The following MCU variants were observed in gnomAD, a reference collection of about 807,000 sequenced individuals.
MCU encodes the protein calcium uniporter protein, mitochondrial.
MCU carries 12 observed loss-of-function variants against 45.2 expected under a neutral mutation model. The ratio of observed to expected loss-of-function variants is 0.27; its 90% CI spans 0.17 to 0.43. The LOEUF is 0.43. MCU is among the 20% of genes least tolerant of loss of function. MCU has a pLI of 1.00. For missense variants in MCU, 324 were observed against 436.7 expected (o/e 0.74, Z 2.30); for synonymous variants, 160 against 165.1 (o/e 0.97, Z 0.24).
intron 1 of MCU, among the ~76,000 whole-genome samples, chr10:72,777,822 G>A (rs963084908): frequency 6.6e-6 from 1 of 152,114 alleles, no homozygotes; most frequent in South Asian, 2.1e-4. Flanking sequence ...ATATATAAGA[G>A]CTCAAACAAC....
chr10:72,828,097 C>T (rs1452754135), intron 1 of MCU, among the ~76,000 whole-genome samples: 1 of 152,166 alleles, frequency 6.6e-6, no homozygotes, highest in Non-Finnish European at 1.5e-5. Flanking sequence ...CGTATAAGCA[C>T]TGAATTTTGG....
intron 7 of MCU, 86 bp from the exon 8 acceptor site, chr10:72,885,659 T>C: frequency 1.2e-6 from 1 of 839,312 alleles, no homozygotes; most frequent in Non-Finnish European, 2.0e-6. Context: ...CTTATAGTAA[T>C]GGAGAACAGT....
At chr10:72,787,628 CT>C (rs1272122742) in intron 1 of MCU, among the ~76,000 whole-genome samples, 9 of 152,096 alleles carry the variant, frequency 5.9e-5, no homozygotes, top group African/African-American at 2.2e-4. Context: ...CAATATATGT[CT>C]ATTTTTATTA....
intron 1 of MCU, among the ~76,000 whole-genome samples, chr10:72,702,503 A>G (rs1282301952): frequency 6.6e-6 from 1 of 152,218 alleles, no homozygotes; most frequent in Non-Finnish European, 1.5e-5. Context: ...TGCCCAGGGC[A>G]TTGGAGAGAG....
In MCU at chr10:72,739,575, C is replaced by T. The variant is rs139185428; in HGVS notation, c.150+47274C>T. Among the ~76,000 whole-genome samples the T allele has an allele frequency of 3.0e-3, 456 of 152,216 alleles. 4 individuals carry two copies. The highest frequency in any genetic ancestry group is 0.01 in the African/African-American group (428 of 41,536). On this transcript the variant is annotated intron_variant, in intron 1 of 7. Transcript: ENST00000373053. ...CATTTTTCGTTTTAAAGAAAGCCAA[C>T]TTCTTATGTTCCCAAAGTCTGACTT... is the stretch of plus-strand genomic sequence containing the variant.
chr10:72,826,150 G>C (rs1030872350), intron 1 of MCU, among the ~76,000 whole-genome samples: 2 of 152,068 alleles, frequency 1.3e-5, no homozygotes, highest in Non-Finnish European at 2.9e-5. Context: ...TGCAGATTCT[G>C]ATTCAGTAAG....
chr10:72,803,170 A>G (rs1844368434), intron 1 of MCU, among the ~76,000 whole-genome samples: 1 of 151,874 alleles, frequency 6.6e-6, no homozygotes, highest in African/African-American at 2.4e-5. Context: ...TGTGGAGGAG[A>G]ATATAGCTCA....
intron 1 of MCU, among the ~76,000 whole-genome samples, chr10:72,804,049 T>G (rs1589469189): frequency 1.3e-5 from 1 of 76,618 alleles, no homozygotes; most frequent in Non-Finnish European, 2.4e-5. Flanking sequence ...TATATATATA[T>G]ATATATATAT....
chr10:72,765,765 T>G (rs1368985457), intron 1 of MCU, among the ~76,000 whole-genome samples: 2 of 94,276 alleles, frequency 2.1e-5, no homozygotes, highest in South Asian at 3.0e-4. Flanking sequence ...CTAGCCTGGG[T>G]AACAAAGCCA....
At chr10:72,824,049 C>T (rs1028780994) in intron 1 of MCU, among the ~76,000 whole-genome samples, 5 of 152,168 alleles carry the variant, frequency 3.3e-5, no homozygotes, top group East Asian at 1.9e-4. Flanking sequence ...AGACCCTGTC[C>T]TCCCTTAGTC....
chr10:72,774,427 C>T (rs1421030661), intron 1 of MCU, among the ~76,000 whole-genome samples: 1 of 151,954 alleles, frequency 6.6e-6, no homozygotes, highest in Admixed American at 6.6e-5. Context: ...ACTAAAAACA[C>T]AACAAATTAA....
At chr10:72,848,271 A>G (rs981156090) in intron 2 of MCU, among the ~76,000 whole-genome samples, 1 of 152,146 alleles carries the variant, frequency 6.6e-6, no homozygotes. Context: ...TGCTATATCA[A>G]TTGCAAACTG....
At chr10:72,862,299 T>C (rs1038358412) in intron 4 of MCU, among the ~76,000 whole-genome samples, 6 of 152,104 alleles carry the variant, frequency 3.9e-5, no homozygotes, top group Non-Finnish European at 8.8e-5. Context: ...TCTTTTTTGG[T>C]CCTGTTTCTC....
chr10:72,776,747 G>A (rs1007569170), intron 1 of MCU, among the ~76,000 whole-genome samples: 5 of 151,654 alleles, frequency 3.3e-5, no homozygotes, highest in African/African-American at 1.2e-4. Context: ...GAAATAAAGG[G>A]CATCCAAATT....
intron 1 of MCU, among the ~76,000 whole-genome samples, chr10:72,825,076 C>T (rs906686327): frequency 1.3e-5 from 2 of 152,008 alleles, no homozygotes; most frequent in South Asian, 4.1e-4. Flanking sequence ...TTATTCTATC[C>T]TAGCTTTTCT....
At chr10:72,841,535 T>C (rs1340079204) in intron 2 of MCU, among the ~76,000 whole-genome samples, 1 of 152,124 alleles carries the variant, frequency 6.6e-6, no homozygotes, top group East Asian at 1.9e-4. Context: ...TGACCTCAGG[T>C]GATCCACCCA....
At chr10:72,824,676 G>A (rs1844769883) in intron 1 of MCU, among the ~76,000 whole-genome samples, 1 of 152,186 alleles carries the variant, frequency 6.6e-6, no homozygotes, top group East Asian at 1.9e-4. Context: ...TTCTCTTTTT[G>A]TATTTTTTTC....
intron 6 of MCU, among the ~76,000 whole-genome samples, chr10:72,876,857 CTG>C (rs1055855133): frequency 1.3e-5 from 2 of 151,724 alleles, no homozygotes; most frequent in African/African-American, 4.8e-5. Flanking sequence ...ACCTCTCCCT[CTG>C]TGACTTTCTT....
chr10:72,810,397 T>C (rs1330163650), intron 1 of MCU, among the ~76,000 whole-genome samples: 2 of 151,184 alleles, frequency 1.3e-5, no homozygotes, highest in African/African-American at 4.9e-5. Context: ...TCCACTGACA[T>C]ATGTGAAAGC....
Sources: gnomAD v4.1 joint callset for allele counts (sites outside exome capture counted in the v4.1 genomes callset) on GRCh38, gnomAD v4.1.1 for gene constraint, MANE v1.5 for transcripts, NCBI Gene and HGNC (gene_info 2026-07-23, HGNC 2026-07-21) for gene names.